Variants in CREBBP observed in about 807,000 individuals in gnomAD.
CREBBP encodes CREB binding lysine acetyltransferase, also known as CREB-binding protein.
Under a neutral mutation model 265.0 loss-of-function variants are expected in CREBBP, and 19 were observed. The ratio of observed to expected loss-of-function variants is 0.07; its 90% CI spans 0.05 to 0.11. The LOEUF is 0.11. CREBBP is among the 10% of genes least tolerant of loss of function. The probability of loss-of-function intolerance (pLI) is 1.00; values close to 1 mark genes in which losing one functional copy is unlikely to be tolerated. For synonymous variants in CREBBP, 1,457 were observed against 1,223.7 expected, an observed-to-expected ratio of 1.19 and a Z score of -3.98; for missense variants, 2,525 against 3,219.0, an observed-to-expected ratio of 0.78 and a Z score of 5.22.
chr16:3,740,307 G>T (rs2151339283), intron 24 of CREBBP, 92 bp downstream of exon 24: 2 of 1,495,812 alleles, frequency 1.3e-6, no homozygotes, highest in South Asian at 2.3e-5. Context: ...TTGGAAGGAT[G>T]ACCTCAAACT....
At position 3,736,262 on chromosome 16, in the gene CREBBP, G is replaced by A. The variant is rs536451650; in HGVS notation, c.4561-59C>T. ...CCATGCACGCGTGCCCCCCACCATG[G>A]TGCGACAGACCCCCACGCAAGCGTG... On this transcript the variant is annotated intron_variant, in intron 27 of 30. Transcript: ENST00000262367. 6.4e-6 allele frequency: 10 copies of A among 1,556,572 alleles called. No individual in the cohort carries two copies. The East Asian group carries it at 2.0e-4, about 31-fold the overall frequency.
intron 20 of CREBBP, among the ~76,000 whole-genome samples, chr16:3,751,366 T>C (rs147583630): frequency 4.6e-5 from 7 of 152,316 alleles, no homozygotes; most frequent in South Asian, 4.1e-4. Context: ...GGCAGGTGGA[T>C]TGTGCTTCAG....
Position 3,850,725 on chromosome 16 carries a change from T to A in CREBBP, c.370A>T (p.Ser124Cys). The A allele has an allele frequency of 6.2e-7, 1 of 1,614,076 alleles. No individual in the cohort carries two copies. The highest frequency in any genetic ancestry group is 8.5e-7 in the Non-Finnish European group (1 of 1,180,028). ...SLSAMGKSPLSQGDSSAPSLP... is the reference protein window; with the variant it reads ...SLSAMGKSPLCQGDSSAPSLP... Reference sequence around the variant, plus strand: ...CTGGGGGCTGAAGAATCTCCCTGGCTCAGAGGGCTCTTGCCCATGGCACTG... The same window carrying A: ...CTGGGGGCTGAAGAATCTCCCTGGCACAGAGGGCTCTTGCCCATGGCACTG... Residue 124 changes from serine (S) to cysteine (C), a missense_variant, in exon 2 of 31, where the codon AGC (serine) becomes TGC (cysteine). Coordinates refer to ENST00000262367, the MANE Select transcript of CREBBP (RefSeq NM_004380.3).
intron 21 of CREBBP, 126 bp from the exon 22 acceptor site, chr16:3,745,480 C>T (rs954117710): frequency 6.4e-6 from 5 of 776,266 alleles, no homozygotes; most frequent in South Asian, 2.9e-5. Context: ...GACATTAATG[C>T]GTGTGTTGGC....
At chr16:3,837,548 G>A (rs1209692235) in intron 2 of CREBBP, among the ~76,000 whole-genome samples, 2 of 151,700 alleles carry the variant, frequency 1.3e-5, no homozygotes, top group South Asian at 2.1e-4. Flanking sequence ...CCCGGGAGGC[G>A]GAGGTTGCAG....
intron 8 of CREBBP, among the ~76,000 whole-genome samples, chr16:3,779,991 C>T (rs2053235652): frequency 6.6e-6 from 1 of 152,042 alleles, no homozygotes; most frequent in African/African-American, 2.4e-5. Flanking sequence ...CTCATAACCC[C>T]AGCACTTCGG....
intron 23 of CREBBP, 28 bp from the exon 24 acceptor site, chr16:3,740,577 A>C (rs200775707): frequency 1.2e-6 from 2 of 1,614,042 alleles, no homozygotes; most frequent in East Asian, 4.5e-5. Flanking sequence ...AGCAGGTGAG[A>C]GGGCTTCAAC....
At position 3,738,561 on chromosome 16, in the gene CREBBP, T is replaced by C. The variant is rs61731411; in HGVS notation, c.4392A>G (p.Leu1464=). The change falls in exon 26 of 31, where the codon TTA becomes TTG. Residue 1464 remains leucine (L), a splice_region_variant and synonymous_variant. Coordinates refer to ENST00000262367, the MANE Select transcript of CREBBP (RefSeq NM_004380.3). The part of the protein sequence containing the change: ...LIGYLEYVKK[L]GYVTGHIWAC... Reference sequence around the variant, plus strand: ...CAAATAATTTAATCCAAACTCACCCTAATTTCTTCACATACTCTAAATATC... The same window carrying C: ...CAAATAATTTAATCCAAACTCACCCCAATTTCTTCACATACTCTAAATATC... 2.3e-5 allele frequency: 36 copies of C among 1,590,524 alleles called. No homozygotes were observed. In the African/African-American group the frequency reaches 4.4e-4, roughly 20 times the overall value.
chr16:3,765,032 T>G (rs1294807843), intron 16 of CREBBP, among the ~76,000 whole-genome samples: 1 of 151,860 alleles, frequency 6.6e-6, no homozygotes, highest in Admixed American at 6.6e-5. Flanking sequence ...CAGGCTGGAG[T>G]GCAGTATCTC....
At chr16:3,734,310 C>A (rs2051994989) in intron 28 of CREBBP, among the ~76,000 whole-genome samples, 1 of 152,176 alleles carries the variant, frequency 6.6e-6, no homozygotes, top group African/African-American at 2.4e-5. Context: ...GAAGGCATGT[C>A]CCTGCCCATT....
intron 16 of CREBBP, chr16:3,767,440 A>T (rs1297476401): frequency 1.8e-6 from 1 of 550,806 alleles, no homozygotes; most frequent in Non-Finnish European, 3.2e-6. Context: ...GACACATTTC[A>T]ACTCGGCCCC....
At chr16:3,781,436 T>TA (rs1392380591) in intron 6 of CREBBP, 130 bp from the exon 7 acceptor site, 1 of 738,530 alleles carries the variant, frequency 1.4e-6, no homozygotes, top group African/African-American at 1.7e-5. Context: ...TCTGGCCAGT[T>TA]ATAGTAAGCA....
At chr16:3,803,694 C>T (rs1313424382) in intron 3 of CREBBP, among the ~76,000 whole-genome samples, 1 of 152,076 alleles carries the variant, frequency 6.6e-6, no homozygotes, top group African/African-American at 2.4e-5. Context: ...TTGCCACTCC[C>T]TCCCCACTCT....
At chr16:3,872,526 A>T (rs1236706444) in intron 1 of CREBBP, among the ~76,000 whole-genome samples, 2 of 152,232 alleles carry the variant, frequency 1.3e-5, no homozygotes, top group African/African-American at 4.8e-5. Flanking sequence ...ATTTTGCCGA[A>T]AGCCAAGTTT....
chr16:3,827,070 G>A (rs1178246877), intron 2 of CREBBP, among the ~76,000 whole-genome samples: 2 of 152,120 alleles, frequency 1.3e-5, no homozygotes, highest in African/African-American at 4.8e-5. Flanking sequence ...CTTGAGGATC[G>A]CTTAAACCCA....
chr16:3,860,074 G>A (rs2055042227), intron 1 of CREBBP, among the ~76,000 whole-genome samples: 1 of 152,054 alleles, frequency 6.6e-6, no homozygotes, highest in South Asian at 2.1e-4. Flanking sequence ...GACACCATCT[G>A]CCTGTCAGCT....
Position 3,773,891 on chromosome 16 carries a change from T to C in CREBBP, c.2323A>G (p.Met775Val), listed in dbSNP as rs990281677. 4 of 1,612,180 alleles carry C rather than the reference T, an allele frequency of 2.5e-6. No homozygotes were observed. Among genetic ancestry groups the C allele is most frequent in the Admixed American group, 1.7e-5 (1 of 60,000 alleles). Residue 775 changes from methionine (M) to valine (V), a missense_variant, in exon 13 of 31, where the codon ATG becomes GTG. Met to Val is a conservative substitution (Grantham distance 21). Transcript: ENST00000262367. ...ATGTTGTTGGTGTGTGCACCCATCA[T>C]GTTCGGAGGCTGAGGCATTCGGGAA... ...SPSRMPQPPN[M>V]MGAHTNNMMA... is the part of the protein sequence containing the mutation.
intron 2 of CREBBP, among the ~76,000 whole-genome samples, chr16:3,841,700 T>A (rs530464225): frequency 6.6e-6 from 1 of 152,326 alleles, no homozygotes; most frequent in South Asian, 2.1e-4. Flanking sequence ...GAAGGTAGAT[T>A]AGTCATTTCT....
At chr16:3,765,751 G>A (rs936984390) in intron 16 of CREBBP, among the ~76,000 whole-genome samples, 1 of 152,088 alleles carries the variant, frequency 6.6e-6, no homozygotes, top group Non-Finnish European at 1.5e-5. Flanking sequence ...AGGCTCAGGT[G>A]ATTCTCCCAC....
Sources: gnomAD v4.1 joint callset for allele counts (sites outside exome capture counted in the v4.1 genomes callset) on GRCh38, gnomAD v4.1.1 for gene constraint, MANE v1.5 for transcripts, NCBI Gene and HGNC (gene_info 2026-07-23, HGNC 2026-07-21) for gene names.